METTL24: variants seen among roughly 807,000 people sequenced by gnomAD.
The protein encoded by METTL24 is methyltransferase like 24.
In METTL24, 29 loss-of-function variants were observed where a neutral mutation model predicts 32.7. The ratio of observed to expected loss-of-function variants is 0.89; its 90% CI spans 0.66 to 1.21. METTL24 has a LOEUF of 1.21. Ranked by LOEUF, METTL24 falls within the 50% of genes most tolerant of loss-of-function variation. The pLI, the probability that METTL24 is intolerant of heterozygous loss-of-function variation, is 0.00. For synonymous variants in METTL24, 163 were observed against 179.5 expected (o/e 0.91, Z 0.73); for missense variants, 439 against 468.1 (o/e 0.94, Z 0.57).
intron 4 of METTL24, among the ~76,000 whole-genome samples, chr6:110,271,869 T>A (rs1770963378): frequency 6.6e-6 from 1 of 152,222 alleles, no homozygotes; most frequent in Non-Finnish European, 1.5e-5. Context: ...ATGAGACATA[T>A]GTCCATTTTC....
rs184681659 is a variant in METTL24, at chr6:110,303,106, C to A, written c.558-3956G>T. Reference sequence around the variant, plus strand: ...TCAAGGGAAGCCATGAGGGACCCTGCCATGAGGGATGGTGCATTCCAGCCC... The same window carrying A: ...TCAAGGGAAGCCATGAGGGACCCTGACATGAGGGATGGTGCATTCCAGCCC... On this transcript the variant is annotated intron_variant, in intron 3 of 4. Coordinates refer to ENST00000338882, the MANE Select transcript of METTL24 (RefSeq NM_001123364.3). Among the ~76,000 whole-genome samples, 25 of 152,216 alleles carry A rather than the reference C, an allele frequency of 1.6e-4. No homozygotes were observed. In the East Asian group the frequency reaches 2.1e-3, roughly 13 times the overall value.
chr6:110,309,328 A>T (rs1273567785), intron 3 of METTL24, among the ~76,000 whole-genome samples: 2 of 152,164 alleles, frequency 1.3e-5, no homozygotes, highest in African/African-American at 4.8e-5. Flanking sequence ...GCTGCCAACT[A>T]TTAGAGGGGG....
chr6:110,340,109 TG>T lies in METTL24; in HGVS notation c.319-17238del, dbSNP rs553288893. Among the ~76,000 whole-genome samples, 44 of 152,298 alleles carry T rather than the reference TG, an allele frequency of 2.9e-4. 1 individual carries two copies. The South Asian group carries it at 8.5e-3, about 29-fold the overall frequency. ...AAAATCAATAGGAGGGAGGAACAAC[TG>T]GCTACTATCCTGAAAAGAAAACACA... On this transcript the variant is annotated intron_variant, in intron 1 of 4. Transcript: ENST00000338882.
At position 110,244,030 on chromosome 6, in the gene METTL24, C is replaced by T. The variant is rs569671623; in HGVS notation, c.*1916G>A. Among the ~76,000 whole-genome samples, 12 of 152,094 alleles carry T rather than the reference C, an allele frequency of 7.9e-5. No homozygotes were observed. Among genetic ancestry groups the T allele is most frequent in the East Asian group, 5.8e-4 (3 of 5,184 alleles). On this transcript the variant is annotated 3_prime_UTR_variant, in exon 5 of 5. Transcript: ENST00000338882. ...TAGTAATGAGAGAGAGCATTTGAAC[C>T]GCTGAGAACCTAAACTTTCCACTTA...
intron 1 of METTL24, among the ~76,000 whole-genome samples, chr6:110,333,867 A>G (rs1232724014): frequency 6.6e-6 from 1 of 152,180 alleles, no homozygotes; most frequent in Non-Finnish European, 1.5e-5. Context: ...GTGCATTTAC[A>G]TTACTTTATT....
At chr6:110,302,836 G>GTAAGAAGT (rs1223861701) in intron 3 of METTL24, among the ~76,000 whole-genome samples, 11 of 152,100 alleles carry the variant, frequency 7.2e-5, no homozygotes, top group Admixed American at 3.3e-4. Context: ...TACTCAAGTT[G>GTAAGAAGT]TAAGAAGTAT....
intron 4 of METTL24, among the ~76,000 whole-genome samples, chr6:110,281,564 G>A (rs1000195755): frequency 4.0e-5 from 6 of 151,844 alleles, no homozygotes; most frequent in African/African-American, 1.5e-4. Context: ...AGGAGGTAGA[G>A]GTTGAACCCA....
At chr6:110,261,393 T>C (rs1221964278) in intron 4 of METTL24, among the ~76,000 whole-genome samples, 1 of 151,892 alleles carries the variant, frequency 6.6e-6, no homozygotes, top group Admixed American at 6.6e-5. Context: ...ATAGCAAAGG[T>C]ATCAATTCAA....
intron 3 of METTL24, among the ~76,000 whole-genome samples, chr6:110,302,460 C>T (rs1382798862): frequency 1.1e-5 from 1 of 92,900 alleles, no homozygotes; most frequent in Non-Finnish European, 2.1e-5. Flanking sequence ...CATATACACA[C>T]ATATGTGTAT....
In METTL24 at chr6:110,276,794, C is replaced by T. The variant is rs559951943; in HGVS notation, c.786+22128G>A. 5.3e-5 allele frequency among the ~76,000 whole-genome samples: 8 copies of T among 152,216 alleles called. No individual in the cohort carries two copies. In the South Asian group the frequency reaches 1.7e-3, roughly 32 times the overall value. On this transcript the variant is annotated intron_variant, in intron 4 of 4. Transcript: ENST00000338882. Reference sequence around the variant, plus strand: ...CCTAAAATTGCAATCACTCAGTATTCACTGCCAGCCTAGTGGGGGAAAAAC... The same window carrying T: ...CCTAAAATTGCAATCACTCAGTATTTACTGCCAGCCTAGTGGGGGAAAAAC...
At chr6:110,332,082 T>A (rs1381352096) in intron 1 of METTL24, among the ~76,000 whole-genome samples, 3 of 152,084 alleles carry the variant, frequency 2.0e-5, no homozygotes, top group Non-Finnish European at 4.4e-5. Context: ...ACACAGAGGG[T>A]AGGCTGGGAG....
rs181291851 is a variant in METTL24 at position 110,346,546 on chromosome 6, G to A, written c.318+11409C>T. 4.2e-3 allele frequency among the ~76,000 whole-genome samples: 561 copies of A among 135,146 alleles called. 4 individuals are homozygous for A. Among genetic ancestry groups the A allele is most frequent in the African/African-American group, 0.015 (527 of 35,624 alleles). 88.7% of individuals were successfully genotyped at this position (135,146 alleles called of 152,430 possible). A position where few individuals can be genotyped will look rare whatever the true frequency, so the allele number is the denominator to read the frequency against. ...AGATGGAGTCTCACTCTGTCACCCA[G>A]CAGGCTGGAGTGCAATGGCATGATT... On this transcript the variant is annotated intron_variant, in intron 1 of 4. Transcript: ENST00000338882.
chr6:110,314,714 C>A (rs532608696), intron 3 of METTL24, among the ~76,000 whole-genome samples: 6 of 152,132 alleles, frequency 3.9e-5, no homozygotes, highest in African/African-American at 1.4e-4. Flanking sequence ...GTAATCCCAG[C>A]GCTTTGGGAG....
chr6:110,247,997 C>G (rs935683497), intron 4 of METTL24, among the ~76,000 whole-genome samples: 1 of 152,042 alleles, frequency 6.6e-6, no homozygotes, highest in African/African-American at 2.4e-5. Flanking sequence ...TGGTGCTGTC[C>G]TCGAGATAGT....
chr6:110,269,725 A>G (rs1770920769), intron 4 of METTL24, among the ~76,000 whole-genome samples: 1 of 152,208 alleles, frequency 6.6e-6, no homozygotes, highest in Non-Finnish European at 1.5e-5. Context: ...GAATTGCGGA[A>G]GCAGAAAGAT....
intron 4 of METTL24, among the ~76,000 whole-genome samples, chr6:110,248,030 C>A (rs891452619): frequency 6.6e-6 from 1 of 152,094 alleles, no homozygotes; most frequent in African/African-American, 2.4e-5. Flanking sequence ...GCTCTGAGTT[C>A]ACGTAAGATC....
At chr6:110,324,716 A>G (rs1471758665) in intron 1 of METTL24, among the ~76,000 whole-genome samples, 1 of 152,228 alleles carries the variant, frequency 6.6e-6, no homozygotes, top group Non-Finnish European at 1.5e-5. Context: ...CTCTAGTAAG[A>G]GAGCTGGAGA....
At chr6:110,268,776 C>A (rs1770904191) in intron 4 of METTL24, among the ~76,000 whole-genome samples, 1 of 152,064 alleles carries the variant, frequency 6.6e-6, no homozygotes. Flanking sequence ...TATAAAACTC[C>A]ATACAAATTA....
chr6:110,274,517 G>T (rs180973954), intron 4 of METTL24, among the ~76,000 whole-genome samples: 2 of 152,240 alleles, frequency 1.3e-5, no homozygotes, highest in Admixed American at 1.3e-4. Flanking sequence ...AGAAAGGGTA[G>T]GAGGGTATAA....
Sources: gnomAD v4.1 joint callset for allele counts (sites outside exome capture counted in the v4.1 genomes callset) on GRCh38, gnomAD v4.1.1 for gene constraint, MANE v1.5 for transcripts, NCBI Gene and HGNC (gene_info 2026-07-23, HGNC 2026-07-21) for gene names.